ADGRL3: variants seen among roughly 807,000 people sequenced by gnomAD.
ADGRL3 encodes adhesion G protein-coupled receptor L3.
Under a neutral mutation model 153.5 loss-of-function variants are expected in ADGRL3, and 62 were observed. That is an observed-to-expected ratio of 0.40 (90% CI 0.33 to 0.50). The LOEUF is 0.50. ADGRL3 is among the 20% of genes least tolerant of loss of function. The pLI is 0.47. For synonymous variants in ADGRL3, 710 were observed against 672.5 expected (o/e 1.06, Z -0.86); for missense variants, 1,641 against 1,859.4 (o/e 0.88, Z 2.16).
chr4:61,897,023 C>T (rs189983264), intron 11 of ADGRL3, among the ~76,000 whole-genome samples: 23 of 152,202 alleles, frequency 1.5e-4, no homozygotes, highest in African/African-American at 5.5e-4. Context: ...ATAGTTGGAC[C>T]ATTTTATTGT....
At chr4:61,452,065 C>T (rs1337136435) in intron 2 of ADGRL3, among the ~76,000 whole-genome samples, 3 of 151,914 alleles carry the variant, frequency 2.0e-5, no homozygotes, top group African/African-American at 7.2e-5. Context: ...CAGAGTAATT[C>T]CCCAGTTGCA....
chr4:61,679,472 A>C (rs1013978439), intron 6 of ADGRL3, among the ~76,000 whole-genome samples: 1 of 152,106 alleles, frequency 6.6e-6, no homozygotes, highest in Non-Finnish European at 1.5e-5. Context: ...ATCTATTAAT[A>C]AATTCTGATT....
At chr4:61,442,204 G>A (rs886253610) in intron 2 of ADGRL3, among the ~76,000 whole-genome samples, 3 of 152,136 alleles carry the variant, frequency 2.0e-5, no homozygotes, top group Non-Finnish European at 4.4e-5. Flanking sequence ...TGGTTATTTT[G>A]TATGGAAGAG....
At chr4:61,971,966 T>C (rs1312102475) in intron 17 of ADGRL3, among the ~76,000 whole-genome samples, 8 of 152,260 alleles carry the variant, frequency 5.3e-5, no homozygotes, top group Non-Finnish European at 8.8e-5. Flanking sequence ...TTTTGAGAAG[T>C]ATCTGTTCAT....
intron 1 of ADGRL3, among the ~76,000 whole-genome samples, chr4:61,204,461 A>G (rs1230520624): frequency 6.6e-6 from 1 of 152,190 alleles, no homozygotes; most frequent in Non-Finnish European, 1.5e-5. Flanking sequence ...CAGTCCTTAC[A>G]TTATAAGATT....
At chr4:61,756,112 G>A (rs1412226138) in intron 8 of ADGRL3, among the ~76,000 whole-genome samples, 1 of 151,908 alleles carries the variant, frequency 6.6e-6, no homozygotes, top group East Asian at 1.9e-4. Flanking sequence ...GGCTCTTTTT[G>A]GTTCCATATG....
At chr4:61,975,741 A>G (rs1363135833) in intron 17 of ADGRL3, among the ~76,000 whole-genome samples, 1 of 152,188 alleles carries the variant, frequency 6.6e-6, no homozygotes, top group East Asian at 1.9e-4. Flanking sequence ...TGTCAGGCTT[A>G]GAGGGTAAGA....
chr4:61,876,972 G>A lies in ADGRL3; in HGVS notation c.1481-15684G>A, dbSNP rs576172662. On this transcript the variant is annotated intron_variant, in intron 9 of 26. Coordinates refer to ENST00000683033, the MANE Select transcript of ADGRL3 (RefSeq NM_001387552.1). ...TTGAAGATGAGAAGGGACCTTTTAA[G>A]TACACAGGAAATAAACCCAGGATGA... 1.2e-3 allele frequency among the ~76,000 whole-genome samples: 177 copies of A among 150,778 alleles called. 1 individual carries two copies. Among genetic ancestry groups the A allele is most frequent in the African/African-American group, 4.1e-3 (170 of 41,138 alleles).
intron 5 of ADGRL3, among the ~76,000 whole-genome samples, chr4:61,632,709 C>G (rs952362407): frequency 1.3e-5 from 2 of 152,122 alleles, no homozygotes; most frequent in South Asian, 4.1e-4. Flanking sequence ...AGTGTAATTA[C>G]AATAATTCTT....
intron 5 of ADGRL3, among the ~76,000 whole-genome samples, chr4:61,635,586 G>A (rs191082579): frequency 7.1e-6 from 1 of 140,114 alleles, no homozygotes; most frequent in African/African-American, 2.5e-5. Flanking sequence ...TACAGAGAGG[G>A]TTCTGATTTT....
chr4:62,058,192 GT>G (rs1482027868), intron 25 of ADGRL3, among the ~76,000 whole-genome samples: 1 of 150,582 alleles, frequency 6.6e-6, no homozygotes, highest in South Asian at 2.1e-4. Flanking sequence ...GTAGTGAGTT[GT>G]TTTTTGTTTT....
chr4:61,808,196 C>T (rs114117808), intron 8 of ADGRL3, among the ~76,000 whole-genome samples: 1 of 152,138 alleles, frequency 6.6e-6, no homozygotes, highest in Admixed American at 6.5e-5. Context: ...ACTGCTTAGT[C>T]CTGCACCTAG....
At chr4:61,567,684 C>T (rs2098822051) in intron 4 of ADGRL3, among the ~76,000 whole-genome samples, 1 of 152,110 alleles carries the variant, frequency 6.6e-6, no homozygotes, top group African/African-American at 2.4e-5. Flanking sequence ...CCTTAAGTAA[C>T]CTACACTGAT....
chr4:61,436,387 C>T (rs1006097141), intron 2 of ADGRL3, among the ~76,000 whole-genome samples: 2 of 152,152 alleles, frequency 1.3e-5, no homozygotes, highest in Non-Finnish European at 2.9e-5. Flanking sequence ...ACATTTATGT[C>T]AGCTGAAAAC....
intron 4 of ADGRL3, among the ~76,000 whole-genome samples, chr4:61,561,557 G>A (rs1428848299): frequency 6.6e-6 from 1 of 151,828 alleles, no homozygotes; most frequent in Non-Finnish European, 1.5e-5. Context: ...TAGGGTATTT[G>A]ACTGACTTTA....
chr4:61,477,555 T>C (rs1021161016), intron 2 of ADGRL3, among the ~76,000 whole-genome samples: 1 of 152,178 alleles, frequency 6.6e-6, no homozygotes, highest in African/African-American at 2.4e-5. Context: ...AGAAGTTGCT[T>C]CCCAATTTCA....
chr4:61,577,304 T>A (rs1283028091), intron 4 of ADGRL3, among the ~76,000 whole-genome samples: 1 of 151,896 alleles, frequency 6.6e-6, no homozygotes, highest in Non-Finnish European at 1.5e-5. Flanking sequence ...GAGGCATTTG[T>A]TTGTTGCTTA....
chr4:61,569,625 A>G (rs1411501591), intron 4 of ADGRL3, among the ~76,000 whole-genome samples: 1 of 152,190 alleles, frequency 6.6e-6, no homozygotes, highest in Admixed American at 6.5e-5. Flanking sequence ...TCTACTTTCT[A>G]ACTCTACATC....
At chr4:61,577,117 C>A (rs748168056) in intron 4 of ADGRL3, among the ~76,000 whole-genome samples, 1 of 150,988 alleles carries the variant, frequency 6.6e-6, no homozygotes, top group Non-Finnish European at 1.5e-5. Context: ...AATTATATGC[C>A]ACTGAAAGCT....
Sources: gnomAD v4.1 joint callset for allele counts (sites outside exome capture counted in the v4.1 genomes callset) on GRCh38, gnomAD v4.1.1 for gene constraint, MANE v1.5 for transcripts, NCBI Gene and HGNC (gene_info 2026-07-23, HGNC 2026-07-21) for gene names.